The following STOX1 variants were observed in gnomAD, a reference collection of about 807,000 sequenced individuals.
STOX1 encodes storkhead box 1, also known as storkhead-box protein 1.
In STOX1, 57 loss-of-function variants were observed where a neutral mutation model predicts 74.8. That is an observed-to-expected ratio of 0.76 (90% CI 0.62 to 0.95). The LOEUF (loss-of-function observed/expected upper bound fraction) is 0.95. STOX1 is among the 40% of genes least tolerant of loss of function. The pLI, the probability that STOX1 is intolerant of heterozygous loss-of-function variation, is 0.00. For synonymous variants in STOX1, 375 were observed against 401.3 expected (o/e 0.93, Z 0.78); for missense variants, 1,010 against 1,117.0 (o/e 0.90, Z 1.37).
At chr10:68,882,594 G>T (rs1280025458) in intron 2 of STOX1, among the ~76,000 whole-genome samples, 1 of 151,772 alleles carries the variant, frequency 6.6e-6, no homozygotes. Flanking sequence ...GCCTCCCCGG[G>T]TTCAAGCGAT....
rs781480004 is a variant in STOX1 at position 68,886,449 on chromosome 10, A to G, written c.2653A>G (p.Ser885Gly). The G allele has an allele frequency of 1.2e-6, 2 of 1,614,190 alleles. No individual in the cohort carries two copies. The stretch of plus-strand genomic sequence containing the variant: ...CACAGGAAAGAAGCCAGCTAGCTGG[A>G]GTCAGAGTCCTCAGAATCAGGAAAT... ...GDTGKKPASW[S>G]QSPQNQEMRK... The change falls in exon 3 of 4, where the codon AGT (serine) becomes GGT (glycine). Residue 885 changes from serine (S) to glycine (G), a missense_variant. Transcript: ENST00000298596.
chr10:68,833,633 A>G (rs566914863), intron 1 of STOX1, among the ~76,000 whole-genome samples: 2 of 152,208 alleles, frequency 1.3e-5, no homozygotes, highest in African/African-American at 2.4e-5. Context: ...GCCTTTCCAT[A>G]CAATGTCGGG....
chr10:68,834,794 G>T (rs567606301), intron 1 of STOX1, among the ~76,000 whole-genome samples: 1 of 152,126 alleles, frequency 6.6e-6, no homozygotes, highest in South Asian at 2.1e-4. Flanking sequence ...GCGTGATCTC[G>T]GCTCACTGCA....
chr10:68,891,045 AAAAAC>A (rs1037876406), intron 3 of STOX1, among the ~76,000 whole-genome samples: 4 of 152,214 alleles, frequency 2.6e-5, no homozygotes, highest in Non-Finnish European at 4.4e-5. Context: ...TCTCTGTGGC[AAAAAC>A]AAAACAAAAA....
intron 1 of STOX1, among the ~76,000 whole-genome samples, chr10:68,845,271 ATTTTTT>A (rs999265975): frequency 6.4e-4 from 78 of 121,924 alleles, no homozygotes; most frequent in Non-Finnish European, 1.1e-3. Context: ...CAGCTGGCTA[ATTTTTT>A]TTTTTTTTTT....
At chr10:68,873,256 C>CCTTT (rs1840579061) in intron 1 of STOX1, among the ~76,000 whole-genome samples, 2 of 89,408 alleles carry the variant, frequency 2.2e-5, no homozygotes, top group Admixed American at 1.5e-4. Context: ...CAAACAAGAG[C>CCTTT]ATTTTTTTTT....
intron 1 of STOX1, among the ~76,000 whole-genome samples, chr10:68,867,589 C>G (rs957519618): frequency 6.6e-6 from 1 of 152,210 alleles, no homozygotes; most frequent in Non-Finnish European, 1.5e-5. Context: ...GGGGCAGGGA[C>G]AAGCTTCCCC....
chr10:68,836,896 G>A (rs1450011461), intron 1 of STOX1, among the ~76,000 whole-genome samples: 1 of 152,214 alleles, frequency 6.6e-6, no homozygotes, highest in Non-Finnish European at 1.5e-5. Flanking sequence ...AACAGGGGAA[G>A]TATACCTTCC....
intron 3 of STOX1, among the ~76,000 whole-genome samples, chr10:68,887,890 C>T (rs1437123171): frequency 2.0e-5 from 3 of 151,904 alleles, no homozygotes; most frequent in Non-Finnish European, 2.9e-5. Flanking sequence ...CTGCCATGCC[C>T]GGCCTCCACT....
chr10:68,857,836 G>A lies in STOX1; in HGVS notation c.311-24122G>A, dbSNP rs183093405. 6.6e-5 allele frequency among the ~76,000 whole-genome samples: 10 copies of A among 152,162 alleles called. 1 individual carries two copies. The highest frequency in any genetic ancestry group is 2.2e-4 in the African/African-American group (9 of 41,466). On this transcript the variant is annotated intron_variant, in intron 1 of 3. Coordinates refer to ENST00000298596, the MANE Select transcript of STOX1 (RefSeq NM_152709.5). The stretch of plus-strand genomic sequence containing the variant: ...GGTGGGAAAGGGAGGAGGTGGCCTG[G>A]GCATGAGGGTTGGTGAAGGGAGCTT...
chr10:68,892,497 T>C, intron 3 of STOX1, 92 bp from the exon 4 acceptor site: 2 of 1,175,492 alleles, frequency 1.7e-6, no homozygotes, highest in Admixed American at 3.5e-5. Flanking sequence ...GTAAATGTAC[T>C]ACTTCAAAGT....
At chr10:68,880,228 G>T (rs925411146) in intron 1 of STOX1, among the ~76,000 whole-genome samples, 2 of 143,536 alleles carry the variant, frequency 1.4e-5, no homozygotes, top group Non-Finnish European at 3.0e-5. Context: ...CCTCACCTAC[G>T]CAGGAGTGCA....
In STOX1 at chr10:68,884,745, T is replaced by C. The variant is rs2131996004; in HGVS notation, c.949T>C (p.Trp317Arg). 2 of 1,614,232 alleles carry C rather than the reference T, an allele frequency of 1.2e-6. No homozygotes were observed. The change falls in exon 3 of 4, where the codon TGG becomes CGG. Residue 317 changes from tryptophan to arginine, a missense_variant. Coordinates refer to ENST00000298596, the MANE Select transcript of STOX1 (RefSeq NM_152709.5). ...CAAGAAGTTTGGTTTTAGTCTCTTA[T>C]GGCGCAGCTTATCTAGAAAGGAGAA... is the stretch of plus-strand genomic sequence containing the variant. ...KGKKFGFSLLWRSLSRKEKPK... is the reference protein window; with the variant it reads ...KGKKFGFSLLRRSLSRKEKPK...
intron 1 of STOX1, among the ~76,000 whole-genome samples, chr10:68,867,460 G>A (rs1265937456): frequency 6.6e-6 from 1 of 152,150 alleles, no homozygotes; most frequent in Non-Finnish European, 1.5e-5. Flanking sequence ...AACTGAGGGT[G>A]GTTGCTCAGG....
At chr10:68,839,706 AT>A (rs1477795173) in intron 1 of STOX1, among the ~76,000 whole-genome samples, 1 of 152,196 alleles carries the variant, frequency 6.6e-6, no homozygotes, top group Non-Finnish European at 1.5e-5. Flanking sequence ...CCTGGCCAAC[AT>A]GGCAAAACCC....
At chr10:68,860,798 C>T (rs993863821) in intron 1 of STOX1, among the ~76,000 whole-genome samples, 1 of 152,004 alleles carries the variant, frequency 6.6e-6, no homozygotes, top group Non-Finnish European at 1.5e-5. Context: ...GTATGCCTCT[C>T]AGAAATGAAG....
At chr10:68,836,421 T>G (rs1383763237) in intron 1 of STOX1, among the ~76,000 whole-genome samples, 1 of 152,234 alleles carries the variant, frequency 6.6e-6, no homozygotes, top group Non-Finnish European at 1.5e-5. Flanking sequence ...TCTTGTTCAC[T>G]AGACAAACCT....
chr10:68,840,951 CT>C (rs763437615), intron 1 of STOX1, among the ~76,000 whole-genome samples: 370 of 133,632 alleles, frequency 2.8e-3, no homozygotes, highest in Non-Finnish European at 2.9e-3. Flanking sequence ...TTGCTTTTTG[CT>C]TTTTTTTTTT....
At chr10:68,851,317 GAA>G (rs1018218094) in intron 1 of STOX1, among the ~76,000 whole-genome samples, 1 of 143,160 alleles carries the variant, frequency 7.0e-6, no homozygotes, top group Non-Finnish European at 1.5e-5. Flanking sequence ...AAAAAAAAAA[GAA>G]AAAAGAGTGG....
Sources: allele counts gnomAD v4.1 joint callset (sites outside exome capture counted in the v4.1 genomes callset), GRCh38; gene constraint gnomAD v4.1.1; transcripts MANE v1.5; gene names NCBI Gene and HGNC (gene_info 2026-07-23, HGNC 2026-07-21).